The following PTPRR variants were observed in gnomAD, a reference collection of about 807,000 sequenced individuals.
The protein encoded by PTPRR is receptor-type tyrosine-protein phosphatase R.
PTPRR carries 38 observed loss-of-function variants against 77.2 expected under a neutral mutation model. The ratio of observed to expected loss-of-function variants is 0.49; its 90% CI spans 0.38 to 0.65. PTPRR has a LOEUF of 0.65. PTPRR is among the 30% of genes least tolerant of loss of function. The pLI is 0.00. For missense variants in PTPRR, 744 were observed against 799.2 expected, an observed-to-expected ratio of 0.93 and a Z score of 0.83; for synonymous variants, 299 against 283.1, an observed-to-expected ratio of 1.06 and a Z score of -0.57.
At chr12:70,704,036 T>C (rs192784328) in intron 6 of PTPRR, among the ~76,000 whole-genome samples, 2 of 152,300 alleles carry the variant, frequency 1.3e-5, no homozygotes, top group East Asian at 1.9e-4. Context: ...TAGAGTTCTC[T>C]TGTATAAAAA....
chr12:70,757,767 C>T (rs187361693), intron 4 of PTPRR, among the ~76,000 whole-genome samples: 3 of 152,206 alleles, frequency 2.0e-5, no homozygotes, highest in Admixed American at 2.0e-4. Context: ...TACCAGTGAT[C>T]CTTTTTTTCT....
chr12:70,645,845 T>C lies in PTPRR; in HGVS notation c.1881-6568A>G, dbSNP rs572246287. 2.3e-3 allele frequency among the ~76,000 whole-genome samples: 344 copies of C among 152,234 alleles called. 3 individuals carry two copies. The highest frequency in any genetic ancestry group is 7.7e-3 in the African/African-American group (319 of 41,542). The stretch of plus-strand genomic sequence containing the variant: ...GAAAGGGAAAAAAAAATGTAGTTTT[T>C]TCCCTTTGCTACTGGGAGGGTGTTT... On this transcript the variant is annotated intron_variant, in intron 13 of 13. Coordinates refer to ENST00000283228, the MANE Select transcript of PTPRR (RefSeq NM_002849.4).
At chr12:70,887,419 C>T (rs1054826457) in intron 2 of PTPRR, among the ~76,000 whole-genome samples, 1 of 151,060 alleles carries the variant, frequency 6.6e-6, no homozygotes, top group Non-Finnish European at 1.5e-5. Context: ...ACCACTGCAC[C>T]GTGGCCTGGG....
chr12:70,761,360 A>G (rs1487609889), intron 4 of PTPRR, 111 bp downstream of exon 4: 37 of 1,034,832 alleles, frequency 3.6e-5, no homozygotes, highest in Non-Finnish European at 4.5e-5. Context: ...AATTTTTATT[A>G]TCAAATAACA....
chr12:70,747,868 T>G (rs1388451470), intron 5 of PTPRR, among the ~76,000 whole-genome samples: 2 of 152,100 alleles, frequency 1.3e-5, no homozygotes, highest in Non-Finnish European at 2.9e-5. Flanking sequence ...ATGGAAGAGA[T>G]TGCTACTTGG....
At chr12:70,840,203 G>GT (rs945770676) in intron 2 of PTPRR, among the ~76,000 whole-genome samples, 7 of 151,886 alleles carry the variant, frequency 4.6e-5, no homozygotes, top group South Asian at 2.1e-4. Flanking sequence ...GGAATCTAGT[G>GT]TTTTTTTTCC....
At chr12:70,904,357 A>G (rs1893587266) in intron 1 of PTPRR, among the ~76,000 whole-genome samples, 1 of 151,918 alleles carries the variant, frequency 6.6e-6, no homozygotes, top group African/African-American at 2.4e-5. Flanking sequence ...CATCTAAACA[A>G]TGTAATACCA....
chr12:70,848,883 A>T (rs969146552), intron 2 of PTPRR, among the ~76,000 whole-genome samples: 2 of 152,208 alleles, frequency 1.3e-5, no homozygotes, highest in African/African-American at 4.8e-5. Context: ...AAACACAATT[A>T]ACATATTAAA....
chr12:70,904,757 C>T (rs1006901760), intron 1 of PTPRR, among the ~76,000 whole-genome samples: 1 of 151,644 alleles, frequency 6.6e-6, no homozygotes, highest in African/African-American at 2.4e-5. Context: ...AAGTCTTTTT[C>T]ATAAGAAATA....
chr12:70,869,277 A>G (rs1361592429), intron 2 of PTPRR, among the ~76,000 whole-genome samples: 1 of 152,152 alleles, frequency 6.6e-6, no homozygotes, highest in East Asian at 1.9e-4. Flanking sequence ...CACTCAAAAT[A>G]TGTCTGGTCC....
At chr12:70,700,861 G>A (rs1478670949) in intron 7 of PTPRR, among the ~76,000 whole-genome samples, 1 of 152,128 alleles carries the variant, frequency 6.6e-6, no homozygotes, top group Non-Finnish European at 1.5e-5. Flanking sequence ...GTGACAGCAA[G>A]GCTATTCTTT....
intron 8 of PTPRR, among the ~76,000 whole-genome samples, chr12:70,686,916 G>T (rs1263199673): frequency 2.6e-5 from 4 of 152,118 alleles, no homozygotes; most frequent in Admixed American, 2.0e-4. Flanking sequence ...AAATTTTGGG[G>T]TAATTTGTTC....
intron 8 of PTPRR, among the ~76,000 whole-genome samples, chr12:70,685,344 A>G (rs559902571): frequency 2.0e-5 from 3 of 152,060 alleles, no homozygotes; most frequent in Non-Finnish European, 2.9e-5. Flanking sequence ...AAAGATAAAG[A>G]TAAACATGAT....
chr12:70,833,089 C>G (rs1257238462), intron 2 of PTPRR, among the ~76,000 whole-genome samples: 1 of 152,142 alleles, frequency 6.6e-6, no homozygotes, highest in Non-Finnish European at 1.5e-5. Context: ...AAACACCTCC[C>G]ACCAGACCTC....
chr12:70,815,281 A>G (rs1253237163), intron 2 of PTPRR, among the ~76,000 whole-genome samples: 1 of 152,132 alleles, frequency 6.6e-6, no homozygotes, highest in Non-Finnish European at 1.5e-5. Flanking sequence ...AAACTTTCCA[A>G]AATGAAACAG....
intron 2 of PTPRR, among the ~76,000 whole-genome samples, chr12:70,841,582 G>A (rs2137060226): frequency 6.6e-6 from 1 of 152,102 alleles, no homozygotes; most frequent in East Asian, 1.9e-4. Context: ...ATATTGTAAA[G>A]TAAGAAAACT....
intron 2 of PTPRR, among the ~76,000 whole-genome samples, chr12:70,783,863 C>CA (rs1387103240): frequency 3.4e-4 from 19 of 56,638 alleles, no homozygotes; most frequent in Middle Eastern, 0.011. Flanking sequence ...GTGGGGGGGA[C>CA]GGGGGGGGGG....
intron 6 of PTPRR, among the ~76,000 whole-genome samples, chr12:70,706,621 T>G (rs1888629292): frequency 6.6e-6 from 1 of 152,126 alleles, no homozygotes; most frequent in Non-Finnish European, 1.5e-5. Flanking sequence ...ATAAAAGTTT[T>G]GAATTCATAA....
intron 2 of PTPRR, among the ~76,000 whole-genome samples, chr12:70,862,112 C>T (rs1238795916): frequency 6.6e-6 from 1 of 151,964 alleles, no homozygotes; most frequent in Non-Finnish European, 1.5e-5. Context: ...TCATAGTTCC[C>T]AGGAAAAAGT....
Sources: allele counts gnomAD v4.1 joint callset (sites outside exome capture counted in the v4.1 genomes callset), GRCh38; gene constraint gnomAD v4.1.1; transcripts MANE v1.5; gene names NCBI Gene and HGNC (gene_info 2026-07-23, HGNC 2026-07-21).